FHIT: variants seen among roughly 807,000 people sequenced by gnomAD.
FHIT encodes bis(5'-adenosyl)-triphosphatase.
Under a neutral mutation model 17.9 loss-of-function variants are expected in FHIT, and 19 were observed. The observed-to-expected ratio is 1.06, with a 90% CI of 0.74 to 1.56. The LOEUF (loss-of-function observed/expected upper bound fraction) is 1.56, where lower values mean the gene tolerates loss of function less well. Among genes scored for constraint, FHIT ranks in the 40% most tolerant of loss-of-function variants. The pLI is 0.00. For missense variants in FHIT, 248 were observed against 189.2 expected (o/e 1.31, Z -1.82); for synonymous variants, 81 against 69.7 (o/e 1.16, Z -0.81).
chr3:60,516,835 C>T (rs999666983), intron 5 of FHIT, among the ~76,000 whole-genome samples: 4 of 152,048 alleles, frequency 2.6e-5, no homozygotes, highest in African/African-American at 7.2e-5. Flanking sequence ...ATCACTTGAG[C>T]GAAAGTGATC....
chr3:59,981,320 C>A (rs1026823255), intron 7 of FHIT, among the ~76,000 whole-genome samples: 1 of 152,134 alleles, frequency 6.6e-6, no homozygotes, highest in Admixed American at 6.5e-5. Context: ...TGAACGCTGT[C>A]CTGTCTTGTC....
intron 2 of FHIT, among the ~76,000 whole-genome samples, chr3:61,076,151 C>A (rs543546737): frequency 2.6e-5 from 4 of 152,236 alleles, no homozygotes; most frequent in African/African-American, 9.6e-5. Flanking sequence ...GCACACCAGG[C>A]CAACAGATAA....
chr3:59,989,545 T>C (rs969258507), intron 7 of FHIT, among the ~76,000 whole-genome samples: 5 of 152,064 alleles, frequency 3.3e-5, no homozygotes, highest in African/African-American at 1.2e-4. Context: ...GGGCTGGGCA[T>C]GTTAGAGTCT....
At chr3:59,858,304 C>A (rs612947) in intron 8 of FHIT, among the ~76,000 whole-genome samples, 33 of 143,522 alleles carry the variant, frequency 2.3e-4, no homozygotes, top group Non-Finnish European at 2.9e-4. Context: ...TCGGCTCACT[C>A]CAACCTCCAC....
At chr3:61,172,459 C>A (rs1405686466) in intron 2 of FHIT, among the ~76,000 whole-genome samples, 1 of 152,118 alleles carries the variant, frequency 6.6e-6, no homozygotes, top group Non-Finnish European at 1.5e-5. Context: ...GGTTACTGCC[C>A]AGAGGGGAGC....
At chr3:60,050,439 C>T (rs1279115153) in intron 5 of FHIT, among the ~76,000 whole-genome samples, 3 of 152,138 alleles carry the variant, frequency 2.0e-5, no homozygotes, top group Non-Finnish European at 4.4e-5. Context: ...CCCTATAGCA[C>T]TTAGAGCAGC....
intron 4 of FHIT, among the ~76,000 whole-genome samples, chr3:60,566,537 GAAA>G (rs1576891782): frequency 6.6e-6 from 1 of 152,080 alleles, no homozygotes; most frequent in African/African-American, 2.4e-5. Context: ...CATTCCCTTT[GAAA>G]ACTGGCACAA....
chr3:59,888,838 C>T (rs150747257), intron 8 of FHIT, among the ~76,000 whole-genome samples: 2 of 152,296 alleles, frequency 1.3e-5, no homozygotes, highest in East Asian at 1.9e-4. Context: ...TTATTTGGCT[C>T]ATGGTTCTGG....
At chr3:60,598,018 A>T (rs2038326489) in intron 4 of FHIT, among the ~76,000 whole-genome samples, 1 of 152,150 alleles carries the variant, frequency 6.6e-6, no homozygotes, top group Admixed American at 6.6e-5. Context: ...AGGAATTGGC[A>T]TTTGAGCGAA....
intron 5 of FHIT, among the ~76,000 whole-genome samples, chr3:60,312,274 TA>T (rs1708982679): frequency 1.3e-5 from 2 of 152,056 alleles, no homozygotes; most frequent in Non-Finnish European, 2.9e-5. Context: ...TAACTAGAAT[TA>T]TAGGCATACA....
chr3:60,039,428 T>C (rs534271866), intron 5 of FHIT, among the ~76,000 whole-genome samples: 1 of 152,298 alleles, frequency 6.6e-6, no homozygotes, highest in South Asian at 2.1e-4. Flanking sequence ...TGAAGTCTAA[T>C]GCCCCAAACT....
At chr3:61,033,504 A>C (rs557335534) in intron 3 of FHIT, among the ~76,000 whole-genome samples, 2 of 152,190 alleles carry the variant, frequency 1.3e-5, no homozygotes, top group Non-Finnish European at 2.9e-5. Context: ...GCTAAGTGAA[A>C]TATATTATTA....
chr3:61,084,274 C>G (rs941853065), intron 2 of FHIT, among the ~76,000 whole-genome samples: 1 of 152,162 alleles, frequency 6.6e-6, no homozygotes, highest in Admixed American at 6.5e-5. Context: ...TAATCTATTG[C>G]TATTTGCTTA....
rs553842993 is a variant in FHIT at position 60,285,776 on chromosome 3, A to T, written c.103+251084T>A. ...CTCTATTTTTTAAATTTTATTGTTTAAATTGACACACAGTCGATGTACATA... is the reference window on the plus strand; with the variant it reads ...CTCTATTTTTTAAATTTTATTGTTTTAATTGACACACAGTCGATGTACATA... On this transcript the variant is annotated intron_variant, in intron 5 of 9. Transcript: ENST00000492590. 4.6e-5 allele frequency among the ~76,000 whole-genome samples: 7 copies of T among 152,338 alleles called. No individual in the cohort carries two copies. The East Asian group carries it at 1.3e-3, about 29-fold the overall frequency.
chr3:60,513,657 G>C (rs2035031117), intron 5 of FHIT, among the ~76,000 whole-genome samples: 1 of 152,128 alleles, frequency 6.6e-6, no homozygotes, highest in Non-Finnish European at 1.5e-5. Context: ...AGAGGGAGCT[G>C]AACAATGAGA....
intron 5 of FHIT, among the ~76,000 whole-genome samples, chr3:60,396,830 A>C (rs1009678152): frequency 2.6e-5 from 4 of 152,198 alleles, no homozygotes; most frequent in African/African-American, 4.8e-5. Context: ...AAATGAAAAA[A>C]TAGAAAGTTT....
chr3:60,007,021 T>A (rs2106656428), intron 7 of FHIT, among the ~76,000 whole-genome samples: 1 of 152,318 alleles, frequency 6.6e-6, no homozygotes, highest in African/African-American at 2.4e-5. Context: ...ACTGCGTTAA[T>A]ACTATAAAAT....
chr3:61,036,901 G>GTTTTTGTT (rs2033268932), intron 3 of FHIT, among the ~76,000 whole-genome samples: 1 of 70,310 alleles, frequency 1.4e-5, no homozygotes, highest in African/African-American at 3.2e-5. Context: ...AGTCTGCTTT[G>GTTTTTGTT]TTTTTTTTTT....
chr3:60,955,635 C>CATATAT (rs1553778580), intron 3 of FHIT, among the ~76,000 whole-genome samples: 2 of 48,360 alleles, frequency 4.1e-5, no homozygotes, highest in Non-Finnish European at 8.8e-5. Context: ...TATATATATA[C>CATATAT]ACACACACAC....
Sources: gnomAD v4.1 joint callset for allele counts (sites outside exome capture counted in the v4.1 genomes callset) on GRCh38, gnomAD v4.1.1 for gene constraint, MANE v1.5 for transcripts, NCBI Gene and HGNC (gene_info 2026-07-23, HGNC 2026-07-21) for gene names.